GLB1L2: variants seen among roughly 807,000 people sequenced by gnomAD.
GLB1L2 encodes the protein beta-galactosidase-1-like protein 2.
GLB1L2 carries 68 observed loss-of-function variants against 84.1 expected under a neutral mutation model. The observed-to-expected ratio is 0.81, with a 90% confidence interval of 0.67 to 0.99. The LOEUF is 0.99. GLB1L2 is among the 50% of genes least tolerant of loss of function. GLB1L2 has a pLI of 0.00. For missense variants in GLB1L2, 762 were observed against 805.6 expected, an observed-to-expected ratio of 0.95 and a Z score of 0.66; for synonymous variants, 290 against 318.0, an observed-to-expected ratio of 0.91 and a Z score of 0.94.
At chr11:134,340,325 G>A (rs1050735229) in intron 1 of GLB1L2, among the ~76,000 whole-genome samples, 1 of 152,136 alleles carries the variant, frequency 6.6e-6, no homozygotes, top group African/African-American at 2.4e-5. Flanking sequence ...TTCACCACCA[G>A]GTTGTCAAAA....
At chr11:134,335,879 G>T (rs562854827) in intron 1 of GLB1L2, among the ~76,000 whole-genome samples, 1 of 152,244 alleles carries the variant, frequency 6.6e-6, no homozygotes, top group South Asian at 2.1e-4. Context: ...GGACTCTGGG[G>T]TCTAGGCACG....
In GLB1L2 at chr11:134,370,619, T is replaced by G. The variant is rs2136288806; in HGVS notation, c.1215+220T>G. On this transcript the variant is annotated intron_variant, in intron 12 of 18. Transcript: ENST00000535456. This position sits in a 1 kb window ranked among gnomAD's most constrained non-coding sequence, Gnocchi z 4.7. Reference sequence around the variant, plus strand: ...GGAGCTCAGAGGGAAGAGGACAGACTCATGCTGGAGTGTGAAGTGGGAGAA... The same window carrying G: ...GGAGCTCAGAGGGAAGAGGACAGACGCATGCTGGAGTGTGAAGTGGGAGAA... Among the ~76,000 whole-genome samples, 1 of 152,098 alleles carries G rather than the reference T, an allele frequency of 6.6e-6. No individual in the cohort carries two copies. The highest frequency in any genetic ancestry group is 1.9e-4 in the East Asian group (1 of 5,134).
intron 1 of GLB1L2, among the ~76,000 whole-genome samples, chr11:134,341,360 G>A (rs1943458776): frequency 6.7e-6 from 1 of 150,276 alleles, no homozygotes; most frequent in Non-Finnish European, 1.5e-5. Flanking sequence ...CCTGCCCACA[G>A]AACTGGTGTC....
intron 6 of GLB1L2, 118 bp downstream of exon 6, chr11:134,356,511 A>G (rs1943705348): frequency 1.5e-6 from 1 of 671,046 alleles, no homozygotes; most frequent in South Asian, 1.9e-5. Context: ...AACATCATGT[A>G]TTAGTGAATT....
intron 5 of GLB1L2, chr11:134,355,923 C>A: frequency 2.3e-6 from 1 of 440,696 alleles, no homozygotes; most frequent in Non-Finnish European, 4.5e-6. Flanking sequence ...CATGAGGGAG[C>A]GGGGAGTTGG....
chr11:134,339,850 T>C lies in GLB1L2; in HGVS notation c.87-2904T>C, dbSNP rs1213224589. 2.0e-5 allele frequency among the ~76,000 whole-genome samples: 3 copies of C among 152,184 alleles called. No individual in the cohort carries two copies. The highest frequency in any genetic ancestry group is 4.4e-5 in the Non-Finnish European group (3 of 68,028). ...GATGAAGACCTGGAAATCTGGTTGG[T>C]GGATAGAAGTTGTTGAATTGGGATG... is the stretch of plus-strand genomic sequence containing the variant. On this transcript the variant is annotated intron_variant, in intron 1 of 18. Transcript: ENST00000535456. The surrounding 1 kb of genome is among the most constrained non-coding windows in gnomAD (Gnocchi z 5.7).
Position 134,332,100 on chromosome 11 carries a change from G to T in GLB1L2, c.39G>T (p.Thr13=), listed in dbSNP as rs375943171. 5.4e-5 allele frequency: 86 copies of T among 1,590,794 alleles called. No individual in the cohort carries two copies. The highest frequency in any genetic ancestry group is 1.7e-4 in the South Asian group (15 of 87,714). Residue 13 remains threonine, a synonymous_variant, in exon 1 of 19, where the codon ACG becomes ACT. Coordinates refer to ENST00000535456, the MANE Select transcript of GLB1L2 (RefSeq NM_001370461.1). ...GCCTCCGGCGGAGGCCGGCCCGCAC[G>T]CTGGGACTCCTGCTGCTGGTCGTCT... The part of the protein sequence containing the change: ...TWSLRRRPAR[T]LGLLLLVVLG...
At position 134,370,378 on chromosome 11, in the gene GLB1L2, C is replaced by T. The variant is rs371948727; in HGVS notation, c.1194C>T (p.Asp398=). The T allele has an allele frequency of 1.9e-5, 30 of 1,613,400 alleles. No homozygotes were observed. The highest frequency in any genetic ancestry group is 6.7e-5 in the East Asian group (3 of 44,868). Residue 398 remains aspartate (D), a synonymous_variant, in exon 12 of 19, where the codon GAC becomes GAT. Coordinates refer to ENST00000535456, the MANE Select transcript of GLB1L2 (RefSeq NM_001370461.1). The surrounding 1 kb of genome is among the most constrained non-coding windows in gnomAD (Gnocchi z 4.7). ...LTPVLYLSLW[D]ALKYLGEPIK... is the part of the protein sequence containing the mutation. Reference sequence around the variant, plus strand: ...CAGTCTTGTACCTGTCTCTGTGGGACGCCCTCAAGTACCTGGGGGAGGTGA... The same window carrying T: ...CAGTCTTGTACCTGTCTCTGTGGGATGCCCTCAAGTACCTGGGGGAGGTGA...
intron 1 of GLB1L2, among the ~76,000 whole-genome samples, chr11:134,336,886 C>T (rs1591608597): frequency 6.6e-6 from 1 of 152,210 alleles, no homozygotes; most frequent in East Asian, 1.9e-4. Context: ...AGAGCTTTCT[C>T]TCTGGGTGAG....
In GLB1L2 at chr11:134,338,497, C is replaced by T. The variant is rs559110778; in HGVS notation, c.87-4257C>T. 6.6e-6 allele frequency among the ~76,000 whole-genome samples: 1 copy of T among 152,236 alleles called. No individual in the cohort carries two copies. The highest frequency in any genetic ancestry group is 6.5e-5 in the Admixed American group (1 of 15,300). ...GCTCATCTGCCCTTTTCCATCCACTCACATCCGGGAGCACTTTTTACTACA... is the reference window on the plus strand; with the variant it reads ...GCTCATCTGCCCTTTTCCATCCACTTACATCCGGGAGCACTTTTTACTACA... On this transcript the variant is annotated intron_variant, in intron 1 of 18. Transcript: ENST00000535456. This position sits in a 1 kb window ranked among gnomAD's most constrained non-coding sequence, Gnocchi z 6.2.
intron 5 of GLB1L2, among the ~76,000 whole-genome samples, chr11:134,352,270 T>A (rs1249284912): frequency 6.6e-6 from 1 of 152,188 alleles, no homozygotes; most frequent in Non-Finnish European, 1.5e-5. Context: ...CTGTAATCGT[T>A]TTTATTTCTG....
At chr11:134,369,470 C>T (rs185399727) in intron 10 of GLB1L2, among the ~76,000 whole-genome samples, 31 of 140,386 alleles carry the variant, frequency 2.2e-4, no homozygotes, top group African/African-American at 9.1e-4. Context: ...GCTGGGATTA[C>T]AGGTGCGAGC....
chr11:134,374,231 C>G lies in GLB1L2; in HGVS notation c.1682C>G (p.Pro561Arg). 2 of 1,612,278 alleles carry G rather than the reference C, an allele frequency of 1.2e-6. No individual in the cohort carries two copies. Among genetic ancestry groups the G allele is most frequent in the East Asian group, 4.5e-5 (2 of 44,860 alleles). ...GGTAGCTTGTCCATCAGCTCCACCC[C>G]TTGTGACACCTTTCTGAAGCTGGAG... ...FLGSLSISST[P>R]CDTFLKLEGW... The change falls in exon 17 of 19, where the codon CCT becomes CGT. Residue 561 changes from proline to arginine, a missense_variant. By Grantham distance (103) the Pro-to-Arg change is moderately radical. This residue lies in a region of GLB1L2 where 603 missense variants were observed against 611.7 expected (regional missense o/e 0.99). Coordinates refer to ENST00000535456, the MANE Select transcript of GLB1L2 (RefSeq NM_001370461.1).
rs1237349358 is a variant in GLB1L2 at position 134,376,257 on chromosome 11, GGCCCA to G, written c.*1205_*1209del. 1.3e-5 allele frequency: 2 copies of G among 151,928 alleles called. No individual in the cohort carries two copies. Among genetic ancestry groups the G allele is most frequent in the African/African-American group, 4.9e-5 (2 of 40,964 alleles). 9.4% of individuals were successfully genotyped at this position (151,928 alleles called of 1,614,324 possible). ...AGTCCGCATTTGAGCCTTGTTCTGG[GGCCCA>G]GCCCAACACCTGGCTTGGGCTCACT... On this transcript the variant is annotated 3_prime_UTR_variant, in exon 19 of 19. Coordinates refer to ENST00000535456, the MANE Select transcript of GLB1L2 (RefSeq NM_001370461.1).
At chr11:134,369,666 C>T in intron 10 of GLB1L2, 139 bp from the exon 11 acceptor site, 2 of 682,236 alleles carry the variant, frequency 2.9e-6, no homozygotes, top group South Asian at 2.1e-5. Flanking sequence ...AGTATTTTGA[C>T]TGAATGGCTC....
rs901602763 is a variant in GLB1L2 at position 134,339,417 on chromosome 11, G to A, written c.87-3337G>A. 1.3e-5 allele frequency among the ~76,000 whole-genome samples: 2 copies of A among 152,054 alleles called. No individual in the cohort carries two copies. The highest frequency in any genetic ancestry group is 2.9e-5 in the Non-Finnish European group (2 of 68,022). The stretch of plus-strand genomic sequence containing the variant: ...CTCATTTACTAGCAGTGAATTCCTT[G>A]GAGAAACCCAACACGTATCATCCTC... On this transcript the variant is annotated intron_variant, in intron 1 of 18. Transcript: ENST00000535456. The surrounding 1 kb of genome is among the most constrained non-coding windows in gnomAD (Gnocchi z 5.7).
At chr11:134,343,053 A>G in intron 2 of GLB1L2, 102 bp downstream of exon 2, 2 of 1,192,570 alleles carry the variant, frequency 1.7e-6, no homozygotes, top group Non-Finnish European at 2.3e-6. Flanking sequence ...TCCTCTGCCC[A>G]GGGCGAGAGA....
At chr11:134,344,038 AG>A (rs1321084885) in intron 2 of GLB1L2, among the ~76,000 whole-genome samples, 8 of 152,226 alleles carry the variant, frequency 5.3e-5, no homozygotes, top group Non-Finnish European at 1.0e-4. Flanking sequence ...CAGTAAATAT[AG>A]GATGATCACC....
intron 1 of GLB1L2, among the ~76,000 whole-genome samples, chr11:134,333,957 T>C (rs1367166297): frequency 6.6e-6 from 1 of 152,198 alleles, no homozygotes; most frequent in Admixed American, 6.5e-5. Flanking sequence ...GGAATACGTG[T>C]CTTTTTGGCA....
Sources: gnomAD v4.1 joint callset for allele counts (sites outside exome capture counted in the v4.1 genomes callset) on GRCh38, gnomAD v4.1.1 for gene constraint, gnomAD v4.1.1 regional missense constraint, Gnocchi (gnomAD v3.1) non-coding constraint, MANE v1.5 for transcripts, NCBI Gene and HGNC (gene_info 2026-07-23, HGNC 2026-07-21) for gene names.